The following RANBP2 variants were observed in gnomAD, a reference collection of about 807,000 sequenced individuals.
RANBP2 encodes RAN binding protein 2.
A neutral mutation model predicts 303.6 loss-of-function variants in RANBP2; 57 were observed. The observed-to-expected ratio is 0.19, with a 90% CI of 0.15 to 0.23. The LOEUF (loss-of-function observed/expected upper bound fraction) is 0.23, where lower values mean the gene tolerates loss of function less well. Among genes scored for constraint, RANBP2 ranks in the 10% least tolerant of loss-of-function variants. The pLI is 1.00. For missense variants in RANBP2, 3,138 were observed against 3,780.8 expected (o/e 0.83, Z 4.46); for synonymous variants, 1,167 against 1,301.5 (o/e 0.90, Z 2.23).
At chr2:109,490,588 C>A in the RANBP2 span, 3 of 1,416,690 alleles carry the variant, frequency 2.1e-6, no homozygotes, top group Non-Finnish European at 2.8e-6. Flanking sequence ...TGGTTTCCAT[C>A]TTGTGTGTCT....
chr2:108,904,389 G>GAA, the RANBP2 span, among the ~76,000 whole-genome samples: 1 of 152,190 alleles, frequency 6.6e-6, no homozygotes, highest in Non-Finnish European at 1.5e-5. Context: ...AATAACTTTA[G>GAA]AAAACGGTTT....
the RANBP2 span, chr2:109,565,734 T>C: frequency 2.6e-6 from 4 of 1,556,682 alleles, no homozygotes; most frequent in East Asian, 4.5e-5. Flanking sequence ...GATAGATACA[T>C]ATTTCTAGTC....
the RANBP2 span, among the ~76,000 whole-genome samples, chr2:109,636,395 T>C: frequency 6.6e-6 from 1 of 152,118 alleles, no homozygotes; most frequent in Non-Finnish European, 1.5e-5. Context: ...TTCTATGAAA[T>C]CTTTGCCAAA....
At chr2:108,831,139 A>T in the RANBP2 span, among the ~76,000 whole-genome samples, 2 of 152,174 alleles carry the variant, frequency 1.3e-5, no homozygotes, top group South Asian at 4.1e-4. Context: ...CATGCTGCTT[A>T]CTGCACTCCA....
chr2:109,733,149 C>A, the RANBP2 span: 1 of 495,488 alleles, frequency 2.0e-6, no homozygotes, highest in South Asian at 1.5e-5. Flanking sequence ...CCTGATCCTT[C>A]TCTAGGTTTC....
the RANBP2 span, chr2:109,371,571 G>A: frequency 4.6e-4 from 746 of 1,612,628 alleles, 2 homozygotes; most frequent in African/African-American, 8.8e-3. Context: ...GTCCACGGTG[G>A]ACCCGGAACT....
the RANBP2 span, among the ~76,000 whole-genome samples, chr2:108,979,648 C>T: frequency 2.0e-5 from 3 of 152,118 alleles, no homozygotes; most frequent in Non-Finnish European, 4.4e-5. Context: ...CTCCTGCCTC[C>T]CTACCCAGGG....
chr2:108,826,638 C>T, the RANBP2 span, among the ~76,000 whole-genome samples: 1 of 152,172 alleles, frequency 6.6e-6, no homozygotes, highest in Non-Finnish European at 1.5e-5. Context: ...CGGTGTCACA[C>T]TCGATTCATT....
At chr2:109,036,070 A>G in the RANBP2 span, among the ~76,000 whole-genome samples, 2 of 152,246 alleles carry the variant, frequency 1.3e-5, no homozygotes, top group African/African-American at 4.8e-5. Context: ...AGGAGAAATC[A>G]GACATTCTCA....
chr2:108,741,009 A>G lies in RANBP2; in HGVS notation c.975+328A>G, dbSNP rs1185005506. Among the ~76,000 whole-genome samples the G allele has an allele frequency of 2.4e-4, 37 of 152,178 alleles. 1 individual carries two copies. Among genetic ancestry groups the G allele is most frequent in the Admixed American group, 5.2e-4 (8 of 15,266 alleles). ...GTATTATGGGTAAAGCTTGATTCAG[A>G]AAGATGTGTTACTTGGACAAAATCT... On this transcript the variant is annotated intron_variant, in intron 7 of 28. Transcript: ENST00000283195.
chr2:108,783,133 A>G (rs1678370947), intron 28 of RANBP2, among the ~76,000 whole-genome samples: 1 of 151,688 alleles, frequency 6.6e-6, no homozygotes, highest in Admixed American at 6.6e-5. Flanking sequence ...GAGCCCCGGA[A>G]TTTGAGACCA....
At chr2:108,964,088 CTTAAT>C in the RANBP2 span, among the ~76,000 whole-genome samples, 1 of 152,180 alleles carries the variant, frequency 6.6e-6, no homozygotes, top group South Asian at 2.1e-4. Context: ...ATGAATTCTA[CTTAAT>C]TTAAATTTAA....
In RANBP2 at chr2:108,764,542, T is replaced by C. The variant is rs750876969; in HGVS notation, c.4003T>C (p.Cys1335Arg). The part of the protein sequence containing the change: ...EPTSHDNKDI[C>R]KSDAGNLNFE... ...CACAAGTCATGATAACAAGGATATT[T>C]GCAAATCTGATGCTGGAAACCTGAA... is the stretch of plus-strand genomic sequence containing the variant. The change falls in exon 20 of 29, where the codon TGC becomes CGC. Residue 1335 changes from cysteine to arginine, a missense_variant. Cys to Arg is a radical substitution (Grantham distance 180). Transcript: ENST00000283195. 2 of 1,613,968 alleles carry C rather than the reference T, an allele frequency of 1.2e-6. No homozygotes were observed. Among genetic ancestry groups the C allele is most frequent in the East Asian group, 2.2e-5 (1 of 44,882 alleles).
chr2:108,806,884 G>A, the RANBP2 span, among the ~76,000 whole-genome samples: 3 of 152,192 alleles, frequency 2.0e-5, no homozygotes, highest in Non-Finnish European at 4.4e-5. Flanking sequence ...ATCATAGGGA[G>A]ATAGTCCCAG....
intron 8 of RANBP2, among the ~76,000 whole-genome samples, chr2:108,747,270 G>T (rs1696588742): frequency 6.6e-6 from 1 of 152,146 alleles, no homozygotes; most frequent in Admixed American, 6.5e-5. Flanking sequence ...CCCATTTTTG[G>T]CTTGGGATAA....
chr2:109,089,585 G>A, the RANBP2 span, among the ~76,000 whole-genome samples: 5 of 152,194 alleles, frequency 3.3e-5, no homozygotes, highest in East Asian at 7.7e-4. Flanking sequence ...CAGCCTGGGC[G>A]ACAGAGCAAG....
chr2:108,719,557 C>G lies in RANBP2; in HGVS notation c.-50C>G, dbSNP rs377140608. 3.8e-6 allele frequency: 6 copies of G among 1,572,780 alleles called. No homozygotes were observed. Among genetic ancestry groups the G allele is most frequent in the Non-Finnish European group, 5.2e-6 (6 of 1,160,958 alleles). On this transcript the variant is annotated 5_prime_UTR_variant, in exon 1 of 29. Coordinates refer to ENST00000283195, the MANE Select transcript of RANBP2 (RefSeq NM_006267.5). ...TTCCTCTTGGAAGTGGCGACTGCTG[C>G]GGGCCTGAGCGCTGGTCTCACGCGC...
the RANBP2 span, among the ~76,000 whole-genome samples, chr2:109,403,280 G>A: frequency 6.6e-6 from 1 of 152,180 alleles, no homozygotes; most frequent in Admixed American, 6.5e-5. Context: ...TAGTTTGCCT[G>A]TCCCCCATCT....
chr2:109,110,699 C>T, the RANBP2 span, among the ~76,000 whole-genome samples: 1 of 152,210 alleles, frequency 6.6e-6, no homozygotes, highest in Non-Finnish European at 1.5e-5. Flanking sequence ...GGCGGCAGGC[C>T]AGTCACTAAA....
Sources: allele counts gnomAD v4.1 joint callset (sites outside exome capture counted in the v4.1 genomes callset), GRCh38; gene constraint gnomAD v4.1.1; transcripts MANE v1.5; gene names NCBI Gene and HGNC (gene_info 2026-07-23, HGNC 2026-07-21).